Variants in CRACR2A observed in about 807,000 individuals in gnomAD.
CRACR2A encodes the protein calcium release activated channel regulator 2A, also known as EF-hand calcium-binding domain-containing protein 4B.
CRACR2A carries 79 observed loss-of-function variants against 90.5 expected under a neutral mutation model. The ratio of observed to expected loss-of-function variants is 0.87; its 90% CI spans 0.73 to 1.05. The LOEUF (loss-of-function observed/expected upper bound fraction) is 1.05. Among genes scored for constraint, CRACR2A ranks in the 50% least tolerant of loss-of-function variants. CRACR2A has a pLI of 0.00. For missense variants in CRACR2A, 823 were observed against 897.2 expected (o/e 0.92, Z 1.06); for synonymous variants, 338 against 356.7 (o/e 0.95, Z 0.59).
intron 2 of CRACR2A, among the ~76,000 whole-genome samples, chr12:3,722,813 G>C (rs1946203552): frequency 6.6e-6 from 1 of 152,120 alleles, no homozygotes; most frequent in African/African-American, 2.4e-5. Context: ...GATACAACTG[G>C]CTCTGACTAC....
chr12:3,751,218 A>G (rs1946697113), intron 1 of CRACR2A, among the ~76,000 whole-genome samples: 1 of 152,110 alleles, frequency 6.6e-6, no homozygotes, highest in Non-Finnish European at 1.5e-5. Flanking sequence ...GAGATTAAAC[A>G]TGAAAATCTC....
intron 10 of CRACR2A, among the ~76,000 whole-genome samples, chr12:3,651,200 A>C (rs1420530820): frequency 3.3e-5 from 5 of 152,254 alleles, no homozygotes; most frequent in Non-Finnish European, 4.4e-5. Flanking sequence ...CCATACTGTC[A>C]AGTGAAAAAT....
intron 2 of CRACR2A, among the ~76,000 whole-genome samples, chr12:3,724,213 T>C (rs1946226764): frequency 6.6e-6 from 1 of 152,180 alleles, no homozygotes; most frequent in South Asian, 2.1e-4. Context: ...TCCCAGAGTA[T>C]TGGCCCTTTC....
chr12:3,638,973 T>C (rs1413483023), intron 13 of CRACR2A, among the ~76,000 whole-genome samples: 1 of 152,156 alleles, frequency 6.6e-6, no homozygotes, highest in African/African-American at 2.4e-5. Flanking sequence ...ACTCCAACTC[T>C]TCAGACCTTG....
intron 7 of CRACR2A, among the ~76,000 whole-genome samples, chr12:3,666,330 C>CGTGTGTGTGTGTTTGTGTGTGT (rs1555112056): frequency 2.9e-5 from 4 of 139,582 alleles, no homozygotes; most frequent in Non-Finnish European, 6.3e-5. Flanking sequence ...AGGACGGCTG[C>CGTGTGTGTGTGTTTGTGTGTGT]GTGTGTGTGT....
At chr12:3,675,530 C>T (rs1218298355) in intron 6 of CRACR2A, among the ~76,000 whole-genome samples, 2 of 152,184 alleles carry the variant, frequency 1.3e-5, no homozygotes, top group Non-Finnish European at 2.9e-5. Context: ...TGTTTTAAAA[C>T]TCTGTATGCT....
intron 1 of CRACR2A, among the ~76,000 whole-genome samples, chr12:3,743,547 G>A (rs1396907308): frequency 6.6e-6 from 1 of 152,192 alleles, no homozygotes; most frequent in Non-Finnish European, 1.5e-5. Flanking sequence ...TGGGGGAGGT[G>A]TCCACGGTGC....
At chr12:3,624,614 T>C (rs879083898) in intron 17 of CRACR2A, among the ~76,000 whole-genome samples, 5 of 152,216 alleles carry the variant, frequency 3.3e-5, no homozygotes, top group Admixed American at 3.3e-4. Flanking sequence ...GCCTGGTCTA[T>C]CATACTGAGT....
chr12:3,743,305 C>G (rs1946557919), intron 1 of CRACR2A, among the ~76,000 whole-genome samples: 3 of 152,232 alleles, frequency 2.0e-5, no homozygotes, highest in Admixed American at 1.3e-4. Context: ...GTTCAATGTA[C>G]TAAAACTGCA....
At chr12:3,640,807 G>A in intron 13 of CRACR2A, 1 of 1,305,142 alleles carries the variant, frequency 7.7e-7, no homozygotes, top group Non-Finnish European at 1.0e-6. Context: ...ATGCCAAAAT[G>A]AAGAGTGGGC....
At chr12:3,645,072 A>C (rs1343975116) in intron 11 of CRACR2A, among the ~76,000 whole-genome samples, 2 of 152,184 alleles carry the variant, frequency 1.3e-5, no homozygotes, top group African/African-American at 4.8e-5. Context: ...CATGTCAGGC[A>C]CTCTTCTAGC....
chr12:3,682,251 C>T (rs938358274), intron 4 of CRACR2A, among the ~76,000 whole-genome samples: 49 of 152,312 alleles, frequency 3.2e-4, no homozygotes, highest in African/African-American at 1.0e-3. Context: ...TGTGGTCTCT[C>T]GCACTGGGCT....
At chr12:3,663,458 G>T (rs1403458050) in intron 7 of CRACR2A, among the ~76,000 whole-genome samples, 1 of 152,182 alleles carries the variant, frequency 6.6e-6, no homozygotes, top group Non-Finnish European at 1.5e-5. Context: ...ACAGAAATCT[G>T]TCTTTCCATG....
chr12:3,751,917 T>C (rs1267303405), intron 1 of CRACR2A, among the ~76,000 whole-genome samples: 1 of 152,220 alleles, frequency 6.6e-6, no homozygotes, highest in Non-Finnish European at 1.5e-5. Context: ...AGGTTGTACA[T>C]ATTCATTTCA....
chr12:3,709,346 AG>A (rs1945976061), intron 3 of CRACR2A, among the ~76,000 whole-genome samples: 1 of 152,262 alleles, frequency 6.6e-6, no homozygotes, highest in South Asian at 2.1e-4. Flanking sequence ...TCCAATAAAG[AG>A]GAGGTTTTCT....
chr12:3,733,619 A>G (rs551488345), intron 1 of CRACR2A, among the ~76,000 whole-genome samples: 1 of 152,304 alleles, frequency 6.6e-6, no homozygotes, highest in African/African-American at 2.4e-5. Flanking sequence ...CTGAGGCAGA[A>G]CAGAAGGACT....
chr12:3,712,483 G>C (rs973797959), intron 3 of CRACR2A, among the ~76,000 whole-genome samples: 2 of 152,140 alleles, frequency 1.3e-5, no homozygotes, highest in Non-Finnish European at 2.9e-5. Context: ...AACAGAGAGA[G>C]ACACAGTTGG....
intron 14 of CRACR2A, 149 bp downstream of exon 14, chr12:3,637,975 G>T: frequency 2.7e-6 from 2 of 750,632 alleles, no homozygotes; most frequent in Non-Finnish European, 2.1e-6. Flanking sequence ...CTAAGCAGGG[G>T]AAAGTGGTAT....
In CRACR2A at chr12:3,617,028, C is replaced by A; in HGVS notation, c.2037G>T (p.Glu679Asp). 6.4e-7 allele frequency: 1 copy of A among 1,550,900 alleles called. No homozygotes were observed. The highest frequency in any genetic ancestry group is 8.7e-7 in the Non-Finnish European group (1 of 1,146,318). The change falls in exon 19 of 20, where the codon GAG becomes GAT. Residue 679 changes from glutamate to aspartate, a missense_variant and splice_region_variant. Physicochemically the swap from Glu to Asp is conservative, Grantham distance 45. Transcript: ENST00000440314. ...TGCATTCATAGAAGATCAGATTGTT[C>A]TCCTAGAATCATAAAACAGAGCGAA... Reference protein sequence around the residue: ...PRGLGEQLATENNLIFYECSA... With the variant: ...PRGLGEQLATDNNLIFYECSA...
Sources: allele counts gnomAD v4.1 joint callset (sites outside exome capture counted in the v4.1 genomes callset), GRCh38; gene constraint gnomAD v4.1.1; transcripts MANE v1.5; gene names NCBI Gene and HGNC (gene_info 2026-07-23, HGNC 2026-07-21).